ERICH6: variants seen among roughly 807,000 people sequenced by gnomAD.
ERICH6 encodes the protein glutamate rich 6.
In ERICH6, 71 loss-of-function variants were observed where a neutral mutation model predicts 71.0. The ratio of observed to expected loss-of-function variants is 1.00; its 90% confidence interval spans 0.83 to 1.22. The LOEUF (loss-of-function observed/expected upper bound fraction) is 1.22. Among genes scored for constraint, ERICH6 ranks in the 50% most tolerant of loss-of-function variants. The probability of loss-of-function intolerance (pLI) is 0.00; values close to 1 mark genes in which losing one functional copy is unlikely to be tolerated. For missense variants in ERICH6, 808 were observed against 797.2 expected (o/e 1.01, Z -0.16); for synonymous variants, 262 against 278.4 (o/e 0.94, Z 0.59).
intron 7 of ERICH6, among the ~76,000 whole-genome samples, chr3:150,681,966 C>G (rs183424665): frequency 6.6e-6 from 1 of 151,978 alleles, no homozygotes. Context: ...AGGTGCACAC[C>G]GCCATGCCCG....
chr3:150,660,372 C>T (rs1727173698), intron 13 of ERICH6, among the ~76,000 whole-genome samples: 1 of 152,116 alleles, frequency 6.6e-6, no homozygotes, highest in Admixed American at 6.6e-5. Context: ...ATCTGGATAC[C>T]TTCAAAAGCC....
intron 6 of ERICH6, among the ~76,000 whole-genome samples, chr3:150,684,479 C>T (rs886389755): frequency 6.6e-6 from 1 of 152,074 alleles, no homozygotes; most frequent in Non-Finnish European, 1.5e-5. Context: ...TTGCATGATT[C>T]GTGCCCCTTA....
chr3:150,692,089 G>A (rs1003813290), intron 3 of ERICH6, among the ~76,000 whole-genome samples: 12 of 152,088 alleles, frequency 7.9e-5, no homozygotes, highest in East Asian at 1.9e-4. Context: ...GCATATAGGC[G>A]CTTGTGTCAG....
chr3:150,677,774 G>A (rs1272575298), intron 10 of ERICH6, among the ~76,000 whole-genome samples: 1 of 152,090 alleles, frequency 6.6e-6, no homozygotes, highest in Non-Finnish European at 1.5e-5. Context: ...TGGGATTAAA[G>A]GTGTGAGCCA....
chr3:150,682,354 C>T, intron 6 of ERICH6, 38 bp from the exon 7 acceptor site: 3 of 1,518,154 alleles, frequency 2.0e-6, no homozygotes, highest in Non-Finnish European at 1.8e-6. Flanking sequence ...GAAGTCCCCA[C>T]AAAGAGGCCC....
chr3:150,686,031 AAGAAT>A lies in ERICH6; in HGVS notation c.611-15_611-11del. On this transcript the variant is annotated splice_polypyrimidine_tract_variant and intron_variant, in intron 4 of 13. Transcript: ENST00000295910. ...TTAATTACCCATTTTTCTGGAGAGA[AAGAAT>A]AGATTCATAAGAAATGTTTAAAGCC... The A allele has an allele frequency of 1.3e-6, 2 of 1,591,348 alleles. No individual in the cohort carries two copies. The highest frequency in any genetic ancestry group is 1.7e-6 in the Non-Finnish European group (2 of 1,159,456).
chr3:150,683,052 C>T (rs2108061864), intron 6 of ERICH6, among the ~76,000 whole-genome samples: 1 of 152,252 alleles, frequency 6.6e-6, no homozygotes, highest in East Asian at 1.9e-4. Context: ...AGGAAGAGAC[C>T]CAGATCATGA....
intron 11 of ERICH6, among the ~76,000 whole-genome samples, chr3:150,671,259 CACTT>C (rs1166634679): frequency 1.3e-5 from 2 of 152,186 alleles, no homozygotes; most frequent in Admixed American, 6.5e-5. Context: ...TTTAAGTAAA[CACTT>C]ACGAAACGAT....
At chr3:150,681,582 A>T (rs185866880) in intron 7 of ERICH6, among the ~76,000 whole-genome samples, 1 of 152,334 alleles carries the variant, frequency 6.6e-6, no homozygotes, top group African/African-American at 2.4e-5. Context: ...CTGATGGGTC[A>T]TATGGTTACT....
chr3:150,693,873 T>C (rs1023502843), intron 3 of ERICH6, among the ~76,000 whole-genome samples: 6 of 152,240 alleles, frequency 3.9e-5, no homozygotes, highest in Non-Finnish European at 8.8e-5. Context: ...TTTCAATTTT[T>C]TTTCCTTCTT....
chr3:150,686,192 G>T, intron 4 of ERICH6, 106 bp downstream of exon 4: 2 of 1,362,410 alleles, frequency 1.5e-6, no homozygotes, highest in Non-Finnish European at 2.1e-6. Context: ...CCTGTTCTTA[G>T]GTGAGTCCTT....
intron 6 of ERICH6, among the ~76,000 whole-genome samples, chr3:150,683,689 G>A (rs1201586574): frequency 6.6e-6 from 1 of 152,122 alleles, no homozygotes; most frequent in Non-Finnish European, 1.5e-5. Flanking sequence ...GGGAGGCAGA[G>A]GTTGCAGTGA....
At position 150,669,396 on chromosome 3, in the gene ERICH6, T is replaced by A; in HGVS notation, c.1399A>T (p.Thr467Ser). The A allele has an allele frequency of 1.2e-6, 2 of 1,613,820 alleles. No individual in the cohort carries two copies. Among genetic ancestry groups the A allele is most frequent in the Non-Finnish European group, 1.7e-6 (2 of 1,179,878 alleles). ...GGCATATCTTCTTGGACTATACAAG[T>A]AAAACCATTTACCTTGTTGGGCACT... The part of the protein sequence containing the change: ...IRVPNKVNGF[T>S]CIVQEDMPTN... Residue 467 changes from threonine (T) to serine (S), a missense_variant, in exon 12 of 14, where the codon ACT (threonine) becomes TCT (serine). By Grantham distance (58) the Thr-to-Ser change is moderately conservative. This residue lies in a region of ERICH6 where 736 missense variants were observed against 712.2 expected (regional missense o/e 1.03). Coordinates refer to ENST00000295910, the MANE Select transcript of ERICH6 (RefSeq NM_152394.5).
chr3:150,673,009 A>G (rs1392719864), intron 11 of ERICH6, among the ~76,000 whole-genome samples: 1 of 152,112 alleles, frequency 6.6e-6, no homozygotes, highest in Non-Finnish European at 1.5e-5. Flanking sequence ...CGGGCCTCAC[A>G]GTGAGACCCT....
intron 3 of ERICH6, among the ~76,000 whole-genome samples, chr3:150,687,815 T>C (rs547207719): frequency 6.6e-6 from 1 of 152,292 alleles, no homozygotes; most frequent in South Asian, 2.1e-4. Context: ...TGGAGACAGA[T>C]AGGCTTCAGA....
chr3:150,700,864 G>A (rs558149117), intron 2 of ERICH6, among the ~76,000 whole-genome samples: 38 of 152,324 alleles, frequency 2.5e-4, no homozygotes, highest in African/African-American at 8.9e-4. Flanking sequence ...TTACAGGTGT[G>A]AGCCACTGCA....
At chr3:150,700,241 A>ATTTTTTTTTTTTTTT (rs34624356) in intron 2 of ERICH6, among the ~76,000 whole-genome samples, 8 of 110,968 alleles carry the variant, frequency 7.2e-5, no homozygotes, top group South Asian at 2.9e-4. Context: ...TGCCCGGCTA[A>ATTTTTTTTTTTTTTT]TTTTTTTTTT....
At chr3:150,662,891 G>A (rs1402378231) in intron 13 of ERICH6, among the ~76,000 whole-genome samples, 3 of 152,218 alleles carry the variant, frequency 2.0e-5, no homozygotes, top group East Asian at 3.9e-4. Context: ...AGGTTGAGGC[G>A]ACAGCAAATG....
intron 13 of ERICH6, 103 bp downstream of exon 13, chr3:150,666,684 A>G: frequency 1.0e-6 from 1 of 982,674 alleles, no homozygotes; most frequent in Non-Finnish European, 1.5e-6. Context: ...AGTGGACAGT[A>G]GATTATGCAC....
Sources: gnomAD v4.1 joint callset for allele counts (sites outside exome capture counted in the v4.1 genomes callset) on GRCh38, gnomAD v4.1.1 for gene constraint, gnomAD v4.1.1 regional missense constraint, MANE v1.5 for transcripts, NCBI Gene and HGNC (gene_info 2026-07-23, HGNC 2026-07-21) for gene names.